The following MICAL3 variants were observed in gnomAD, a reference collection of about 807,000 sequenced individuals.
MICAL3 encodes [F-actin]-monooxygenase MICAL3.
MICAL3 carries 62 observed loss-of-function variants against 207.4 expected under a neutral mutation model. The observed-to-expected ratio is 0.30, with a 90% CI of 0.24 to 0.37. The LOEUF (loss-of-function observed/expected upper bound fraction) is 0.37. MICAL3 is among the 10% of genes least tolerant of loss of function. The probability of loss-of-function intolerance (pLI) is 1.00; values close to 1 mark genes in which losing one functional copy is unlikely to be tolerated. For missense variants in MICAL3, 2,368 were observed against 2,635.6 expected (o/e 0.90, Z 2.22); for synonymous variants, 1,077 against 1,069.3 (o/e 1.01, Z -0.14).
chr22:17,873,224 A>G (rs1008841103), intron 16 of MICAL3, among the ~76,000 whole-genome samples: 4 of 152,250 alleles, frequency 2.6e-5, no homozygotes, highest in Admixed American at 6.5e-5. Context: ...GCTGGGCTGC[A>G]TTCACAGAAC....
chr22:17,902,839 G>A lies in MICAL3; in HGVS notation c.473-92C>T, dbSNP rs550517615. The A allele has an allele frequency of 1.2e-4, 85 of 726,148 alleles. No individual in the cohort carries two copies. The African/African-American group carries it at 1.3e-3, about 11-fold the overall frequency. The allele number at this position is 726,148 out of a possible 1,614,324, so 45.0% of individuals were successfully genotyped here. ...CTCAGGCTCCCACCCCGCCACCTACGCCCCCTTCATTCAGATTCCCAAAGC... is the reference window on the plus strand; with the variant it reads ...CTCAGGCTCCCACCCCGCCACCTACACCCCCTTCATTCAGATTCCCAAAGC... On this transcript the variant is annotated intron_variant, in intron 3 of 31. Transcript: ENST00000441493. This position sits in a 1 kb window ranked among gnomAD's most constrained non-coding sequence, Gnocchi z 4.5.
chr22:17,814,035 A>G (rs2062076738), intron 27 of MICAL3: 1 of 152,260 alleles, frequency 6.6e-6, no homozygotes, highest in Admixed American at 6.5e-5. Flanking sequence ...TTAAAAGTTT[A>G]TAACAAAACA....
chr22:17,985,172 C>A (rs2146448318), intron 1 of MICAL3, among the ~76,000 whole-genome samples: 1 of 152,232 alleles, frequency 6.6e-6, no homozygotes, highest in Middle Eastern at 3.4e-3. Context: ...GGAGTCTGTC[C>A]CACAGTCCTG....
intron 29 of MICAL3, chr22:17,803,990 C>T (rs550471572): frequency 1.4e-5 from 4 of 285,176 alleles, no homozygotes; most frequent in Admixed American, 6.5e-5. Context: ...CACAGCGAGG[C>T]GGCAGAGGAA....
chr22:17,817,856 T>G lies in MICAL3; in HGVS notation c.4805A>C (p.Lys1602Thr), dbSNP rs774915117. The change falls in exon 26 of 32, where the codon AAG (lysine) becomes ACG (threonine). Residue 1602 changes from lysine to threonine, a missense_variant. Physicochemically the swap from Lys to Thr is moderately conservative, Grantham distance 78. Coordinates refer to ENST00000441493, the MANE Select transcript of MICAL3 (RefSeq NM_015241.3). ...CCGCAGCGCCTGGCTCTTCACGGACTTCTCCCTGGCTCGCATGCGCTCCTC... is the reference window on the plus strand; with the variant it reads ...CCGCAGCGCCTGGCTCTTCACGGACGTCTCCCTGGCTCGCATGCGCTCCTC... ...LAEERMRARE[K>T]SVKSQALRDA... 2.5e-6 allele frequency: 4 copies of G among 1,612,160 alleles called. No homozygotes were observed. In the East Asian group the frequency reaches 6.7e-5, roughly 27 times the overall value.
intron 1 of MICAL3, among the ~76,000 whole-genome samples, chr22:17,976,557 GTGTGTATATA>G (rs1409210933): frequency 6.5e-4 from 53 of 81,248 alleles, no homozygotes; most frequent in East Asian, 1.5e-3. Context: ...GTGTGTGTGT[GTGTGTATATA>G]TATATATATA....
chr22:18,001,575 G>A (rs1923021615), intron 1 of MICAL3: 1 of 152,292 alleles, frequency 6.6e-6, no homozygotes, highest in Admixed American at 6.5e-5. Context: ...CGGGACCCCA[G>A]CCTCGGGGGC....
rs573067847 is a variant in MICAL3 at position 17,967,065 on chromosome 22, G to C, written c.-75+57216C>G. ...GGACTGATCAAGGGTAGGTGAGACAGAGGTTCCATGGACAAGGGCCACCAT... is the reference window on the plus strand; with the variant it reads ...GGACTGATCAAGGGTAGGTGAGACACAGGTTCCATGGACAAGGGCCACCAT... On this transcript the variant is annotated intron_variant, in intron 1 of 31. Coordinates refer to ENST00000441493, the MANE Select transcript of MICAL3 (RefSeq NM_015241.3). 3.9e-5 allele frequency among the ~76,000 whole-genome samples: 6 copies of C among 152,322 alleles called. No homozygotes were observed. In the South Asian group the frequency reaches 1.0e-3, roughly 26 times the overall value.
chr22:18,009,884 T>TA lies in MICAL3; in HGVS notation c.-75+14396dup, dbSNP rs1236318506. Among the ~76,000 whole-genome samples the TA allele has an allele frequency of 6.1e-3, 442 of 72,772 alleles. 88 individuals are homozygous for TA. In the East Asian group the frequency reaches 0.086, roughly 14 times the overall value. The allele number at this position is 72,772 out of a possible 152,430, so 47.7% of individuals were successfully genotyped here. ...ACCCTGTCTTTAAAAAAACTAATAA[T>TA]AAAAAAAAAAAACACTGGCTTCAAA... On this transcript the variant is annotated intron_variant, in intron 1 of 31. Transcript: ENST00000441493.
rs115876282 is a variant in MICAL3 at position 18,002,397 on chromosome 22, G to A, written c.-75+21884C>T. 8.5e-3 allele frequency among the ~76,000 whole-genome samples: 1,297 copies of A among 151,786 alleles called. 21 individuals carry two copies. Among genetic ancestry groups the A allele is most frequent in the African/African-American group, 0.03 (1,232 of 41,354 alleles). On this transcript the variant is annotated intron_variant, in intron 1 of 31. Coordinates refer to ENST00000441493, the MANE Select transcript of MICAL3 (RefSeq NM_015241.3). ...TGTAATCCCAGCACTTTGGGAGGGA[G>A]GCCGAGGCGAGCAGATCACAAGGTC...
At chr22:17,792,098 A>T (rs571273490) in intron 29 of MICAL3, among the ~76,000 whole-genome samples, 6 of 152,202 alleles carry the variant, frequency 3.9e-5, no homozygotes, top group Non-Finnish European at 7.3e-5. Flanking sequence ...GGACGGCCTG[A>T]CCACTGGGCT....
chr22:17,939,629 G>C (rs1038955182), intron 1 of MICAL3, among the ~76,000 whole-genome samples: 8 of 152,186 alleles, frequency 5.3e-5, no homozygotes, highest in African/African-American at 1.9e-4. Flanking sequence ...GCCTCTCTCT[G>C]CAATTCTGTT....
At position 17,979,275 on chromosome 22, in the gene MICAL3, T is replaced by C. The variant is rs570165209; in HGVS notation, c.-75+45006A>G. On this transcript the variant is annotated intron_variant, in intron 1 of 31. Transcript: ENST00000441493. ...ACATATGTAAACGGCCCAGGTACAG[T>C]GGCTCACGCCTGTAATCCCAGCACT... is the stretch of plus-strand genomic sequence containing the variant. 1.3e-4 allele frequency among the ~76,000 whole-genome samples: 19 copies of C among 151,284 alleles called. No homozygotes were observed. The South Asian group carries it at 2.5e-3, about 20-fold the overall frequency.
At chr22:17,888,492 A>G (rs1930119794) in intron 13 of MICAL3, among the ~76,000 whole-genome samples, 1 of 152,252 alleles carries the variant, frequency 6.6e-6, no homozygotes, top group African/African-American at 2.4e-5. Context: ...AGAGTGGTTC[A>G]GGATCACAGA....
In MICAL3 at chr22:18,000,700, G is replaced by A. The variant is rs188396718; in HGVS notation, c.-75+23581C>T. Among the ~76,000 whole-genome samples the A allele has an allele frequency of 8.8e-3, 1,344 of 152,354 alleles. 61 individuals carry two copies. Among genetic ancestry groups the A allele is most frequent in the Admixed American group, 0.075 (1,151 of 15,304 alleles). On this transcript the variant is annotated intron_variant, in intron 1 of 31. Coordinates refer to ENST00000441493, the MANE Select transcript of MICAL3 (RefSeq NM_015241.3). ...GTCCCCTCGGAAGGCAGCCAGGGAA[G>A]GGGCATCACTGAGACTAGAGGCGAA... is the stretch of plus-strand genomic sequence containing the variant.
intron 5 of MICAL3, 138 bp downstream of exon 5, chr22:17,901,740 G>C: frequency 1.9e-6 from 1 of 528,738 alleles, no homozygotes; most frequent in Non-Finnish European, 3.3e-6. Flanking sequence ...GGTGGGGCCT[G>C]CCATTCCATC....
At position 17,787,789 on chromosome 22, in the gene MICAL3, A is replaced by C. The variant is rs761718698; in HGVS notation, c.*2943T>G. 15 of 152,256 alleles carry C rather than the reference A, an allele frequency of 9.9e-5. No homozygotes were observed. The highest frequency in any genetic ancestry group is 1.9e-4 in the Non-Finnish European group (13 of 68,048). The allele number at this position is 152,256 out of a possible 1,614,324, so 9.4% of individuals were successfully genotyped here. ...ATTTTGAAAGGGTTAAGAAGAGTCT[A>C]TCATTGCTGGTCAAAATCGGCCTGA... On this transcript the variant is annotated 3_prime_UTR_variant, in exon 32 of 32. Coordinates refer to ENST00000441493, the MANE Select transcript of MICAL3 (RefSeq NM_015241.3).
Position 17,817,353 on chromosome 22 carries a change from C to T in MICAL3, c.5308G>A (p.Val1770Met), listed in dbSNP as rs757403744. The stretch of plus-strand genomic sequence containing the variant: ...AGCACCCTGTGCTTTCCAGAGTCCA[C>T]CGTGGCCCCGCTGGAGGGGGTGCTG... Reference protein sequence around the residue: ...CPSTPSSGATVDSGKHRVLPV... With the variant: ...CPSTPSSGATMDSGKHRVLPV... Residue 1770 changes from valine to methionine, a missense_variant, in exon 26 of 32, where the codon GTG becomes ATG. Physicochemically the swap from Val to Met is conservative, Grantham distance 21 (BLOSUM62 1). This residue lies in a region of MICAL3 where 1,770 missense variants were observed against 1,863.2 expected (regional missense o/e 0.95). Coordinates refer to ENST00000441493, the MANE Select transcript of MICAL3 (RefSeq NM_015241.3). 2 of 1,609,956 alleles carry T rather than the reference C, an allele frequency of 1.2e-6. No individual in the cohort carries two copies. The highest frequency in any genetic ancestry group is 1.7e-6 in the Non-Finnish European group (2 of 1,178,508).
At chr22:17,981,321 A>C (rs1935900184) in intron 1 of MICAL3, among the ~76,000 whole-genome samples, 1 of 150,792 alleles carries the variant, frequency 6.6e-6, no homozygotes, top group African/African-American at 2.4e-5. Flanking sequence ...CAACTCTTAC[A>C]TCTGTGACTA....
Sources: gnomAD v4.1 joint callset for allele counts (sites outside exome capture counted in the v4.1 genomes callset) on GRCh38, gnomAD v4.1.1 for gene constraint, gnomAD v4.1.1 regional missense constraint, Gnocchi (gnomAD v3.1) non-coding constraint, MANE v1.5 for transcripts, NCBI Gene and HGNC (gene_info 2026-07-23, HGNC 2026-07-21) for gene names.